The following DEPDC1B variants were observed in gnomAD, a reference collection of about 807,000 sequenced individuals.
DEPDC1B encodes DEP domain containing 1B, also known as DEP domain-containing protein 1B.
A neutral mutation model predicts 66.5 loss-of-function variants in DEPDC1B; 51 were observed. That is an observed-to-expected ratio of 0.77 (90% confidence interval 0.61 to 0.97). The LOEUF (loss-of-function observed/expected upper bound fraction) is 0.97. Among genes scored for constraint, DEPDC1B ranks in the 50% least tolerant of loss-of-function variants. The probability of loss-of-function intolerance (pLI) is 0.00; values close to 1 mark genes in which losing one functional copy is unlikely to be tolerated. For synonymous variants in DEPDC1B, 226 were observed against 223.6 expected (o/e 1.01, Z -0.10); for missense variants, 552 against 637.1 (o/e 0.87, Z 1.44).
At chr5:60,605,021 A>C (rs747754482) in intron 8 of DEPDC1B, among the ~76,000 whole-genome samples, 3 of 152,170 alleles carry the variant, frequency 2.0e-5, no homozygotes, top group Non-Finnish European at 2.9e-5. Flanking sequence ...CCACTGAAGC[A>C]CCAGTTTTGC....
intron 2 of DEPDC1B, among the ~76,000 whole-genome samples, chr5:60,648,348 A>G (rs1311879374): frequency 2.0e-5 from 3 of 152,156 alleles, no homozygotes; most frequent in African/African-American, 7.2e-5. Flanking sequence ...TGCCTTTGGA[A>G]GCCTTAAACT....
chr5:60,670,415 C>T (rs1754008781), intron 2 of DEPDC1B, among the ~76,000 whole-genome samples: 1 of 152,118 alleles, frequency 6.6e-6, no homozygotes, highest in South Asian at 2.1e-4. Context: ...GATCTATATA[C>T]TCAGGAAAGC....
intron 7 of DEPDC1B, among the ~76,000 whole-genome samples, chr5:60,614,705 A>T (rs1457861129): frequency 6.6e-6 from 1 of 152,246 alleles, no homozygotes; most frequent in African/African-American, 2.4e-5. Flanking sequence ...AGTTATTATT[A>T]GCAGGCCAGG....
chr5:60,693,204 A>C (rs1393346724), intron 1 of DEPDC1B, among the ~76,000 whole-genome samples: 2 of 152,168 alleles, frequency 1.3e-5, no homozygotes, highest in Non-Finnish European at 2.9e-5. Context: ...GCACATGTTC[A>C]CATACTAAAA....
At chr5:60,626,060 A>G (rs1035770618) in intron 7 of DEPDC1B, among the ~76,000 whole-genome samples, 3 of 151,818 alleles carry the variant, frequency 2.0e-5, no homozygotes, top group African/African-American at 7.3e-5. Flanking sequence ...TTGTATAGTC[A>G]CTAAGTTATA....
At chr5:60,678,881 C>CA (rs1307358298) in intron 2 of DEPDC1B, among the ~76,000 whole-genome samples, 2 of 152,130 alleles carry the variant, frequency 1.3e-5, no homozygotes, top group Non-Finnish European at 2.9e-5. Context: ...TTTCACAGAG[C>CA]AAAAATTGTT....
At chr5:60,678,887 T>C (rs903665509) in intron 2 of DEPDC1B, among the ~76,000 whole-genome samples, 7 of 152,240 alleles carry the variant, frequency 4.6e-5, no homozygotes, top group Admixed American at 2.6e-4. Context: ...AGAGCAAAAA[T>C]TGTTCATTTT....
chr5:60,612,705 G>GAAAAAA (rs1554050974), intron 7 of DEPDC1B, among the ~76,000 whole-genome samples: 2 of 85,368 alleles, frequency 2.3e-5, no homozygotes, highest in Non-Finnish European at 2.5e-5. Context: ...AAATGGTTCA[G>GAAAAAA]AAAAAAAAAA....
At chr5:60,684,539 A>G (rs1754366968) in intron 2 of DEPDC1B, among the ~76,000 whole-genome samples, 1 of 152,194 alleles carries the variant, frequency 6.6e-6, no homozygotes, top group Non-Finnish European at 1.5e-5. Flanking sequence ...GGATATCCTT[A>G]TGCAGAAGAA....
intron 2 of DEPDC1B, among the ~76,000 whole-genome samples, chr5:60,677,639 C>G (rs1019248707): frequency 6.6e-6 from 1 of 152,080 alleles, no homozygotes; most frequent in African/African-American, 2.4e-5. Context: ...GGGACTCAAG[C>G]TATCTGCCCC....
At position 60,696,871 on chromosome 5, in the gene DEPDC1B, ATAT is replaced by A. The variant is rs774401391; in HGVS notation, c.48+3172_48+3174del. Among the ~76,000 whole-genome samples, 10 of 150,004 alleles carry A rather than the reference ATAT, an allele frequency of 6.7e-5. No homozygotes were observed. In the East Asian group the frequency reaches 1.4e-3, roughly 20 times the overall value. ...ATTTCATTTCTTCTTAGTACCAAAA[ATAT>A]TATGATAGCGGTGCTATAAAGAAAA... On this transcript the variant is annotated intron_variant, in intron 1 of 10. Transcript: ENST00000265036.
chr5:60,631,465 T>C (rs1752923440), intron 7 of DEPDC1B, among the ~76,000 whole-genome samples: 1 of 152,116 alleles, frequency 6.6e-6, no homozygotes. Context: ...CTGGAGAGCA[T>C]AAGTGATGGG....
At chr5:60,610,022 G>C (rs956599147) in intron 7 of DEPDC1B, among the ~76,000 whole-genome samples, 2 of 152,130 alleles carry the variant, frequency 1.3e-5, no homozygotes, top group African/African-American at 2.4e-5. Flanking sequence ...TGGAATGTAA[G>C]CTCCACAGGG....
intron 6 of DEPDC1B, 102 bp from the exon 7 acceptor site, chr5:60,638,992 T>C: frequency 1.5e-6 from 2 of 1,379,086 alleles, no homozygotes; most frequent in South Asian, 3.0e-5. Flanking sequence ...TTCAGATATT[T>C]GACATATACA....
chr5:60,603,095 C>A (rs1752234701), intron 9 of DEPDC1B, among the ~76,000 whole-genome samples: 1 of 152,146 alleles, frequency 6.6e-6, no homozygotes, highest in Admixed American at 6.5e-5. Context: ...ACACTTACTG[C>A]ACATAAAATC....
intron 2 of DEPDC1B, among the ~76,000 whole-genome samples, chr5:60,649,386 C>A (rs1175575690): frequency 6.6e-6 from 1 of 152,120 alleles, no homozygotes; most frequent in East Asian, 1.9e-4. Flanking sequence ...TTCCTCCACA[C>A]TAAGAAGATG....
At chr5:60,679,527 A>T (rs1754245210) in intron 2 of DEPDC1B, among the ~76,000 whole-genome samples, 1 of 152,202 alleles carries the variant, frequency 6.6e-6, no homozygotes, top group Non-Finnish European at 1.5e-5. Flanking sequence ...AATGACACAC[A>T]CAGAGGTAGA....
chr5:60,673,382 T>C (rs1754089817), intron 2 of DEPDC1B, among the ~76,000 whole-genome samples: 1 of 152,132 alleles, frequency 6.6e-6, no homozygotes, highest in Admixed American at 6.5e-5. Flanking sequence ...AGGAACTCCA[T>C]GATGCCTGAG....
At chr5:60,663,334 G>A (rs1374655254) in intron 2 of DEPDC1B, among the ~76,000 whole-genome samples, 1 of 152,166 alleles carries the variant, frequency 6.6e-6, no homozygotes, top group African/African-American at 2.4e-5. Context: ...CCAAGGCCTA[G>A]TAAAACCAAG....
Sources: allele counts gnomAD v4.1 joint callset (sites outside exome capture counted in the v4.1 genomes callset), GRCh38; gene constraint gnomAD v4.1.1; transcripts MANE v1.5; gene names NCBI Gene and HGNC (gene_info 2026-07-23, HGNC 2026-07-21).